The following MOB3B variants were observed in gnomAD, a reference collection of about 807,000 sequenced individuals.
The protein encoded by MOB3B is MOB kinase activator 3B, also known as MOB kinase activator-like 2B.
In MOB3B, 7 loss-of-function variants were observed where a neutral mutation model predicts 18.7. The ratio of observed to expected loss-of-function variants is 0.37; its 90% CI spans 0.21 to 0.70. MOB3B has a LOEUF of 0.70. Ranked by LOEUF, MOB3B falls within the 30% of genes least tolerant of loss-of-function variation. The pLI, the probability that MOB3B is intolerant of heterozygous loss-of-function variation, is 0.52. For synonymous variants in MOB3B, 111 were observed against 99.9 expected, an observed-to-expected ratio of 1.11 and a Z score of -0.66; for missense variants, 253 against 281.3, an observed-to-expected ratio of 0.90 and a Z score of 0.72.
At chr9:27,431,652 G>A (rs1028617810) in intron 2 of MOB3B, among the ~76,000 whole-genome samples, 1 of 152,160 alleles carries the variant, frequency 6.6e-6, no homozygotes, top group Non-Finnish European at 1.5e-5. Context: ...CTTCTTTCAG[G>A]TCCCCTTCCA....
chr9:27,458,301 C>T (rs572927467), intron 1 of MOB3B, among the ~76,000 whole-genome samples: 5 of 152,172 alleles, frequency 3.3e-5, no homozygotes, highest in African/African-American at 9.6e-5. Flanking sequence ...AACCTTCCTC[C>T]GCACCTGTGC....
At chr9:27,375,578 T>A (rs1246324116) in intron 2 of MOB3B, among the ~76,000 whole-genome samples, 2 of 152,164 alleles carry the variant, frequency 1.3e-5, no homozygotes, top group African/African-American at 4.8e-5. Context: ...GATGCTTTGG[T>A]GATGTCACAC....
At chr9:27,523,793 C>T (rs1030064772) in intron 1 of MOB3B, among the ~76,000 whole-genome samples, 4 of 152,034 alleles carry the variant, frequency 2.6e-5, no homozygotes, top group African/African-American at 4.8e-5. Context: ...TTGGAAAAAC[C>T]TAAACTATAC....
chr9:27,518,565 T>C (rs1820275264), intron 1 of MOB3B, among the ~76,000 whole-genome samples: 1 of 152,228 alleles, frequency 6.6e-6, no homozygotes, highest in African/African-American at 2.4e-5. Context: ...ACTTATTCCA[T>C]CATGCTACAT....
chr9:27,415,196 A>T (rs1822126325), intron 2 of MOB3B, among the ~76,000 whole-genome samples: 1 of 152,192 alleles, frequency 6.6e-6, no homozygotes, highest in Admixed American at 6.5e-5. Flanking sequence ...GGAATAAAGG[A>T]ATTTTTAGAA....
chr9:27,466,043 T>C (rs1452641254), intron 1 of MOB3B, among the ~76,000 whole-genome samples: 1 of 152,244 alleles, frequency 6.6e-6, no homozygotes, highest in East Asian at 1.9e-4. Context: ...TGCAGCCGAC[T>C]TGAATTTCTC....
At chr9:27,370,949 C>T (rs1197640723) in intron 2 of MOB3B, among the ~76,000 whole-genome samples, 2 of 152,148 alleles carry the variant, frequency 1.3e-5, no homozygotes, top group Middle Eastern at 3.2e-3. Context: ...AGGAGTAACG[C>T]TACCGTGAAC....
At chr9:27,369,631 C>G (rs912009647) in intron 2 of MOB3B, among the ~76,000 whole-genome samples, 7 of 152,214 alleles carry the variant, frequency 4.6e-5, no homozygotes, top group African/African-American at 1.7e-4. Flanking sequence ...TTCACACATG[C>G]AGTGGTCCAC....
intron 2 of MOB3B, among the ~76,000 whole-genome samples, chr9:27,410,821 C>T (rs1822054989): frequency 6.6e-6 from 1 of 152,114 alleles, no homozygotes; most frequent in Admixed American, 6.5e-5. Flanking sequence ...AAGGAATCTA[C>T]TTGGTGATTG....
At chr9:27,504,519 C>T (rs1820030446) in intron 1 of MOB3B, among the ~76,000 whole-genome samples, 1 of 152,218 alleles carries the variant, frequency 6.6e-6, no homozygotes, top group African/African-American at 2.4e-5. Flanking sequence ...GGCCTGGTCA[C>T]TGCACATCTG....
chr9:27,466,563 T>C (rs945429713), intron 1 of MOB3B, among the ~76,000 whole-genome samples: 4 of 152,182 alleles, frequency 2.6e-5, no homozygotes, highest in African/African-American at 7.2e-5. Flanking sequence ...TCCATTTTCA[T>C]GCTGCTGATA....
chr9:27,388,846 C>A (rs1437712154), intron 2 of MOB3B, among the ~76,000 whole-genome samples: 2 of 152,154 alleles, frequency 1.3e-5, no homozygotes, highest in African/African-American at 4.8e-5. Context: ...TCTTCCCTAC[C>A]CATTCCATAA....
intron 2 of MOB3B, among the ~76,000 whole-genome samples, chr9:27,366,263 C>A (rs553452792): frequency 6.6e-6 from 1 of 152,192 alleles, no homozygotes; most frequent in African/African-American, 2.4e-5. Context: ...AGAGCTAAAT[C>A]GAGTATGAAA....
At chr9:27,524,516 A>C in intron 1 of MOB3B, 1 of 1,614,134 alleles carries the variant, frequency 6.2e-7, no homozygotes, top group Non-Finnish European at 8.5e-7. Flanking sequence ...TAGAATGTCT[A>C]CGAGAAAACA....
intron 1 of MOB3B, among the ~76,000 whole-genome samples, chr9:27,516,197 A>G (rs1300316364): frequency 6.6e-6 from 1 of 152,230 alleles, no homozygotes; most frequent in Non-Finnish European, 1.5e-5. Flanking sequence ...TCCAGACTCT[A>G]GGACTATGAG....
intron 1 of MOB3B, among the ~76,000 whole-genome samples, chr9:27,478,852 C>G (rs1341551449): frequency 7.0e-6 from 1 of 142,790 alleles, no homozygotes; most frequent in East Asian, 2.1e-4. Flanking sequence ...CACACACACA[C>G]AGCGGTAAAT....
chr9:27,517,743 A>G (rs529372618), intron 1 of MOB3B, among the ~76,000 whole-genome samples: 33 of 152,080 alleles, frequency 2.2e-4, no homozygotes, highest in Non-Finnish European at 4.7e-4. Context: ...AAATACTGAA[A>G]TGCATATCTG....
intron 3 of MOB3B, among the ~76,000 whole-genome samples, chr9:27,331,318 A>G (rs1820786926): frequency 1.3e-5 from 2 of 151,990 alleles, no homozygotes; most frequent in Admixed American, 6.5e-5. Context: ...TCATTTGTCA[A>G]ATTGCCACTC....
At chr9:27,417,351 G>A (rs188158777) in intron 2 of MOB3B, among the ~76,000 whole-genome samples, 1 of 151,882 alleles carries the variant, frequency 6.6e-6, no homozygotes, top group Non-Finnish European at 1.5e-5. Context: ...GCGACAGAGC[G>A]AGACTCCGTC....
Sources: gnomAD v4.1 joint callset for allele counts (sites outside exome capture counted in the v4.1 genomes callset) on GRCh38, gnomAD v4.1.1 for gene constraint, MANE v1.5 for transcripts, NCBI Gene and HGNC (gene_info 2026-07-23, HGNC 2026-07-21) for gene names.